The following ZC3H3 variants were observed in gnomAD, a reference collection of about 807,000 sequenced individuals.
The protein encoded by ZC3H3 is zinc finger CCCH domain-containing protein 3.
Under a neutral mutation model 77.3 loss-of-function variants are expected in ZC3H3, and 36 were observed. The ratio of observed to expected loss-of-function variants is 0.47; its 90% CI spans 0.36 to 0.61. The LOEUF is 0.61. Among genes scored for constraint, ZC3H3 ranks in the 20% least tolerant of loss-of-function variants. ZC3H3 has a pLI of 0.00. For synonymous variants in ZC3H3, 626 were observed against 555.2 expected, an observed-to-expected ratio of 1.13 and a Z score of -1.79; for missense variants, 1,331 against 1,312.2, an observed-to-expected ratio of 1.01 and a Z score of -0.22.
rs774847036 is a variant in ZC3H3 at position 143,468,298 on chromosome 8, G to A, written c.2106-20C>T. On this transcript the variant is annotated intron_variant, in intron 7 of 11. Coordinates refer to ENST00000262577, the MANE Select transcript of ZC3H3 (RefSeq NM_015117.3). ...ACAAACCTGCAGCACCAGGAGAAAC[G>A]GGTATGAGGAAGGGCCGGCAGGGAC... is the stretch of plus-strand genomic sequence containing the variant. 24 of 1,612,712 alleles carry A rather than the reference G, an allele frequency of 1.5e-5. No homozygotes were observed. In the South Asian group the frequency reaches 1.9e-4, roughly 13 times the overall value.
At chr8:143,469,276 T>C (rs1280035054) in intron 5 of ZC3H3, among the ~76,000 whole-genome samples, 2 of 152,158 alleles carry the variant, frequency 1.3e-5, no homozygotes, top group Non-Finnish European at 2.9e-5. Flanking sequence ...ATATGGCCCA[T>C]GGGGCACACA....
chr8:143,496,877 T>A (rs1821366719), intron 4 of ZC3H3, among the ~76,000 whole-genome samples: 1 of 152,132 alleles, frequency 6.6e-6, no homozygotes, highest in African/African-American at 2.4e-5. Context: ...CAAAAAGACA[T>A]CAGATAAGCC....
rs1274058647 is a variant in ZC3H3, at chr8:143,468,510, G to C, written c.1977C>G (p.Ile659Met). 1.2e-6 allele frequency: 2 copies of C among 1,609,398 alleles called. No homozygotes were observed. Among genetic ancestry groups the C allele is most frequent in the Non-Finnish European group, 1.7e-6 (2 of 1,178,460 alleles). ...SRAVQRSLAI[I>M]RQARQRREKR... ...TCTCCCTGCGCTGCCGCGCCTGCCG[G>C]ATGATGGCCAGGCTGCGCTGCACTG... is the stretch of plus-strand genomic sequence containing the variant. The change falls in exon 7 of 12, where the codon ATC becomes ATG. Residue 659 changes from isoleucine (I) to methionine (M), a missense_variant. This residue lies in a region of ZC3H3 where 978 missense variants were observed against 915.5 expected (regional missense o/e 1.07). Transcript: ENST00000262577.
intron 4 of ZC3H3, among the ~76,000 whole-genome samples, chr8:143,498,517 G>A (rs116288026): frequency 1.2e-4 from 18 of 152,096 alleles, no homozygotes; most frequent in African/African-American, 4.1e-4. Context: ...GCTCCAGGAT[G>A]CCCCCAGAGC....
At chr8:143,485,035 A>G in intron 4 of ZC3H3, 1 of 287,374 alleles carries the variant, frequency 3.5e-6, no homozygotes, top group Non-Finnish European at 7.1e-6. Flanking sequence ...ATGTGTGAAA[A>G]CCAAAGCCCT....
chr8:143,454,632 C>T (rs1187829269), intron 9 of ZC3H3, among the ~76,000 whole-genome samples: 1 of 151,404 alleles, frequency 6.6e-6, no homozygotes, highest in African/African-American at 2.4e-5. Flanking sequence ...AGGATGGTCT[C>T]GATCTCTTGA....
At chr8:143,464,011 ACTCTCTGGGG>A (rs928710857) in intron 9 of ZC3H3, among the ~76,000 whole-genome samples, 1 of 152,160 alleles carries the variant, frequency 6.6e-6, no homozygotes, top group Non-Finnish European at 1.5e-5. Context: ...AATATTATAA[ACTCTCTGGGG>A]CCCATTTGAG....
intron 9 of ZC3H3, among the ~76,000 whole-genome samples, chr8:143,443,751 C>T (rs1025647335): frequency 7.2e-5 from 11 of 152,194 alleles, no homozygotes; most frequent in South Asian, 4.1e-4. Context: ...ATGTTGGGAA[C>T]GCTAAGCGTG....
rs1378233681 is a variant in ZC3H3, at chr8:143,443,257, C to T, written c.2308-2137G>A. ...CCAAGATTGCACCACTGCACTCCAG[C>T]CTGGGCAACAGAGTGAGACCCTGTC... On this transcript the variant is annotated intron_variant, in intron 9 of 11. Coordinates refer to ENST00000262577, the MANE Select transcript of ZC3H3 (RefSeq NM_015117.3). Among the ~76,000 whole-genome samples the T allele has an allele frequency of 3.5e-5, 5 of 144,340 alleles. No homozygotes were observed. The East Asian group carries it at 1.0e-3, about 29-fold the overall frequency. The allele number at this position is 144,340 out of a possible 152,430, so 94.7% of individuals were successfully genotyped here.
chr8:143,485,914 C>T, intron 4 of ZC3H3, among the ~76,000 whole-genome samples: 1 of 152,268 alleles, frequency 6.6e-6, no homozygotes, highest in East Asian at 1.9e-4. Flanking sequence ...CCCAGCATGG[C>T]AAGAACAGGA....
intron 9 of ZC3H3, among the ~76,000 whole-genome samples, chr8:143,452,420 C>G (rs1390818886): frequency 6.6e-6 from 1 of 152,206 alleles, no homozygotes; most frequent in Non-Finnish European, 1.5e-5. Context: ...AGCCCCTCCA[C>G]CCAACAGCCA....
intron 9 of ZC3H3, among the ~76,000 whole-genome samples, chr8:143,442,400 C>T (rs1379696229): frequency 7.4e-3 from 40 of 5,384 alleles, no homozygotes; most frequent in Admixed American, 0.019. Context: ...CTTCAGGGGC[C>T]GGGGGGGGTG....
At chr8:143,503,496 C>A (rs566142821) in intron 4 of ZC3H3, among the ~76,000 whole-genome samples, 2 of 144,746 alleles carry the variant, frequency 1.4e-5, no homozygotes, top group Non-Finnish European at 3.2e-5. Flanking sequence ...AGCCATCTCC[C>A]GACCACCTCC....
chr8:143,518,921 CT>C (rs1195410784), intron 3 of ZC3H3, among the ~76,000 whole-genome samples: 1 of 152,236 alleles, frequency 6.6e-6, no homozygotes, highest in Non-Finnish European at 1.5e-5. Context: ...AGCCCATTGC[CT>C]TTGAGGGAAG....
chr8:143,490,552 A>G (rs1379194227), intron 4 of ZC3H3, among the ~76,000 whole-genome samples: 1 of 152,262 alleles, frequency 6.6e-6, no homozygotes, highest in Non-Finnish European at 1.5e-5. Flanking sequence ...TACTCAGCCC[A>G]GCCTTGAGAG....
chr8:143,528,828 C>T (rs1563882191), intron 3 of ZC3H3, among the ~76,000 whole-genome samples: 5 of 152,262 alleles, frequency 3.3e-5, no homozygotes, highest in Non-Finnish European at 1.5e-5. Context: ...CAGGTCCAGT[C>T]CTCTGGGAGG....
chr8:143,531,461 G>A (rs540339647), intron 3 of ZC3H3, among the ~76,000 whole-genome samples: 24 of 152,370 alleles, frequency 1.6e-4, no homozygotes, highest in African/African-American at 4.8e-4. Flanking sequence ...GAGAGGCACC[G>A]AAGAGTCAGG....
chr8:143,504,309 G>C (rs1050685165), intron 4 of ZC3H3, among the ~76,000 whole-genome samples: 2 of 152,174 alleles, frequency 1.3e-5, no homozygotes, highest in African/African-American at 4.8e-5. Flanking sequence ...GAGCATCACA[G>C]CCAAGGGGAG....
intron 4 of ZC3H3, among the ~76,000 whole-genome samples, chr8:143,489,590 C>A (rs923475903): frequency 4.6e-5 from 7 of 152,220 alleles, no homozygotes; most frequent in Non-Finnish European, 7.3e-5. Context: ...CCGCCCCAGG[C>A]AAGCCAGAGC....
Sources: gnomAD v4.1 joint callset for allele counts (sites outside exome capture counted in the v4.1 genomes callset) on GRCh38, gnomAD v4.1.1 for gene constraint, gnomAD v4.1.1 regional missense constraint, MANE v1.5 for transcripts, NCBI Gene and HGNC (gene_info 2026-07-23, HGNC 2026-07-21) for gene names.